SPHKAP: variants seen among roughly 807,000 people sequenced by gnomAD.
The protein encoded by SPHKAP is A-kinase anchor protein SPHKAP.
In SPHKAP, 67 loss-of-function variants were observed where a neutral mutation model predicts 137.5. That is an observed-to-expected ratio of 0.49 (90% CI 0.40 to 0.60). The LOEUF is 0.60. Ranked by LOEUF, SPHKAP falls within the 20% of genes least tolerant of loss-of-function variation. SPHKAP has a pLI of 0.00. For synonymous variants in SPHKAP, 813 were observed against 785.3 expected (o/e 1.04, Z -0.59); for missense variants, 2,097 against 2,069.3 (o/e 1.01, Z -0.26).
intron 3 of SPHKAP, among the ~76,000 whole-genome samples, chr2:228,068,386 A>G (rs1696897764): frequency 6.6e-6 from 1 of 152,150 alleles, no homozygotes; most frequent in Non-Finnish European, 1.5e-5. Context: ...AACACCTTAA[A>G]ATATATATGG....
intron 1 of SPHKAP, among the ~76,000 whole-genome samples, chr2:228,134,444 C>T (rs1416281129): frequency 2.0e-5 from 3 of 152,168 alleles, no homozygotes; most frequent in Admixed American, 6.5e-5. Flanking sequence ...AGTCACTTGG[C>T]GAAATATCAG....
chr2:227,980,051 T>C lies in SPHKAP; in HGVS notation c.*1666A>G, dbSNP rs1254119393. 6.6e-6 allele frequency: 1 copy of C among 152,662 alleles called. No homozygotes were observed. Among genetic ancestry groups the C allele is most frequent in the East Asian group, 1.9e-4 (1 of 5,198 alleles). The allele number at this position is 152,662 out of a possible 1,614,324, so 9.5% of individuals were successfully genotyped here. A position where few individuals can be genotyped will look rare whatever the true frequency, so the allele number is the denominator to read the frequency against. ...AATCCAGTATTTGAGCTTTGTAAGA[T>C]AAGTAAACATTTATTTGAGCACAAC... On this transcript the variant is annotated 3_prime_UTR_variant, in exon 12 of 12. Coordinates refer to ENST00000392056, the MANE Select transcript of SPHKAP (RefSeq NM_001142644.2).
At chr2:228,034,507 G>T (rs890310665) in intron 3 of SPHKAP, among the ~76,000 whole-genome samples, 4 of 152,014 alleles carry the variant, frequency 2.6e-5, no homozygotes, top group African/African-American at 9.7e-5. Context: ...AGAAAAAGAG[G>T]GAATCCTCCC....
chr2:228,021,650 C>G (rs1694843085), intron 6 of SPHKAP, 61 bp downstream of exon 6: 3 of 1,545,532 alleles, frequency 1.9e-6, no homozygotes, highest in Non-Finnish European at 2.6e-6. Flanking sequence ...TTTCTGAAAT[C>G]TCACCAAGAC....
chr2:228,136,860 T>C (rs1699450364), intron 1 of SPHKAP, among the ~76,000 whole-genome samples: 1 of 152,122 alleles, frequency 6.6e-6, no homozygotes, highest in South Asian at 2.1e-4. Flanking sequence ...TTGGGTGTAA[T>C]ATCCTCATGA....
chr2:227,984,323 GAAAGA>G lies in SPHKAP; in HGVS notation c.4960-2468_4960-2464del, dbSNP rs1226106025. On this transcript the variant is annotated intron_variant, in intron 11 of 11. Transcript: ENST00000392056. ...TCAAAAAAAAAAAAAAAAAAAGAAA[GAAAGA>G]AAAAAATTTTCAAAGAAAGTATTCA... is the stretch of plus-strand genomic sequence containing the variant. 3.0e-4 allele frequency among the ~76,000 whole-genome samples: 43 copies of G among 143,836 alleles called. No individual in the cohort carries two copies. The South Asian group carries it at 8.7e-3, about 29-fold the overall frequency. The allele number at this position is 143,836 out of a possible 152,430, so 94.4% of individuals were successfully genotyped here.
chr2:228,057,885 C>T (rs1696501341), intron 3 of SPHKAP, among the ~76,000 whole-genome samples: 1 of 152,058 alleles, frequency 6.6e-6, no homozygotes, highest in African/African-American at 2.4e-5. Flanking sequence ...GTCGGAAGCT[C>T]TTATTTGGTT....
In SPHKAP at chr2:227,984,156, C is replaced by T. The variant is rs549829058; in HGVS notation, c.4960-2296G>A. On this transcript the variant is annotated intron_variant, in intron 11 of 11. Transcript: ENST00000392056. ...CTCTACTAAAAATACAAAAATTAAC[C>T]GGGCGTCGTGGCATGCACCTGTAAT... is the stretch of plus-strand genomic sequence containing the variant. Among the ~76,000 whole-genome samples the T allele has an allele frequency of 1.2e-4, 18 of 151,950 alleles. 1 individual carries two copies. The South Asian group carries it at 1.2e-3, about 11-fold the overall frequency.
rs1490982908 is a variant in SPHKAP, at chr2:228,019,833, G to C, written c.1021C>G (p.Pro341Ala). 1 of 1,614,126 alleles carries C rather than the reference G, an allele frequency of 6.2e-7. No homozygotes were observed. The highest frequency in any genetic ancestry group is 1.1e-5 in the South Asian group (1 of 91,068). The change falls in exon 7 of 12, where the codon CCA becomes GCA. Residue 341 changes from proline to alanine, a missense_variant. Pro to Ala is a conservative substitution (Grantham distance 27). Transcript: ENST00000392056. The part of the protein sequence containing the change: ...QMEKSQALYI[P>A]KDAYFSMMDK... ...ATCATGGAGAAATAAGCATCTTTTG[G>C]AATATACAGTGCCTGTGATTTTTCC...
chr2:228,132,183 A>T, intron 1 of SPHKAP, 98 bp from the exon 2 acceptor site: 1 of 1,059,554 alleles, frequency 9.4e-7, no homozygotes, highest in South Asian at 1.3e-5. Context: ...ATCAAAAATC[A>T]TCTTTTTCAG....
intron 3 of SPHKAP, among the ~76,000 whole-genome samples, chr2:228,062,316 T>C (rs1483384781): frequency 6.6e-6 from 1 of 151,970 alleles, no homozygotes; most frequent in Non-Finnish European, 1.5e-5. Context: ...GTACAGACAG[T>C]GTTTCACCAT....
intron 1 of SPHKAP, among the ~76,000 whole-genome samples, chr2:228,176,699 C>A (rs1700751381): frequency 6.6e-6 from 1 of 152,164 alleles, no homozygotes; most frequent in Non-Finnish European, 1.5e-5. Context: ...TGGTGAAATC[C>A]CGTCTCTACT....
Position 228,018,088 on chromosome 2 carries a change from G to A in SPHKAP, c.2766C>T (p.Asp922=). Residue 922 remains aspartate (D), a synonymous_variant, in exon 7 of 12, where the codon GAC becomes GAT. Transcript: ENST00000392056. ...CCGCAAAGTCTGTAATGCAGTAGAT[G>A]TCTGGATGCTTTGTTTGAAGCGTGG... ...AQSTLQTKHP[D]IYCITDFAEE... The A allele has an allele frequency of 6.2e-7, 1 of 1,614,198 alleles. No homozygotes were observed. The highest frequency in any genetic ancestry group is 8.5e-7 in the Non-Finnish European group (1 of 1,180,040).
At position 228,128,819 on chromosome 2, in the gene SPHKAP, T is replaced by C. The variant is rs144903477; in HGVS notation, c.138+3161A>G. Among the ~76,000 whole-genome samples the C allele has an allele frequency of 4.3e-4, 66 of 152,306 alleles. No individual in the cohort carries two copies. The East Asian group carries it at 0.012, about 28-fold the overall frequency. ...GTCAATGAGCAGTAATATATTTTGA[T>C]AGGAATCTTTTTTTATGAGCAGTAG... On this transcript the variant is annotated intron_variant, in intron 2 of 11. Transcript: ENST00000392056.
chr2:228,103,356 C>T (rs1378590221), intron 3 of SPHKAP, among the ~76,000 whole-genome samples: 2 of 152,216 alleles, frequency 1.3e-5, no homozygotes, highest in Non-Finnish European at 2.9e-5. Context: ...CACTCTGCCT[C>T]ACTCAACTGC....
intron 2 of SPHKAP, among the ~76,000 whole-genome samples, chr2:228,125,740 C>T (rs866391109): frequency 5.9e-5 from 9 of 152,136 alleles, no homozygotes; most frequent in African/African-American, 1.9e-4. Context: ...TGTAAAATCC[C>T]TTAGATTCAG....
intron 2 of SPHKAP, among the ~76,000 whole-genome samples, chr2:228,114,326 G>C (rs1430918860): frequency 6.6e-6 from 1 of 152,116 alleles, no homozygotes; most frequent in Non-Finnish European, 1.5e-5. Context: ...ATTTAGTATT[G>C]ATTAGACAGA....
In SPHKAP at chr2:228,077,206, G is replaced by A. The variant is rs559032092; in HGVS notation, c.246+31626C>T. 3.9e-5 allele frequency among the ~76,000 whole-genome samples: 6 copies of A among 152,334 alleles called. No individual in the cohort carries two copies. The South Asian group carries it at 8.3e-4, about 21-fold the overall frequency. On this transcript the variant is annotated intron_variant, in intron 3 of 11. Transcript: ENST00000392056. ...CATGGAGAACCTCTGCTAGGGCAGT[G>A]TGGAAGAGAAATGTGGGGTCAGAGC...
intron 3 of SPHKAP, among the ~76,000 whole-genome samples, chr2:228,093,155 G>A (rs139049334): frequency 4.6e-5 from 7 of 152,186 alleles, no homozygotes; most frequent in East Asian, 1.9e-4. Flanking sequence ...TAGGGAGATC[G>A]AAACCTTCCT....
Sources: allele counts gnomAD v4.1 joint callset (sites outside exome capture counted in the v4.1 genomes callset), GRCh38; gene constraint gnomAD v4.1.1; transcripts MANE v1.5; gene names NCBI Gene and HGNC (gene_info 2026-07-23, HGNC 2026-07-21).